EIF2AK4: variants seen among roughly 807,000 people sequenced by gnomAD.
EIF2AK4 encodes eIF-2-alpha kinase GCN2.
In EIF2AK4, 139 loss-of-function variants were observed where a neutral mutation model predicts 211.1. That is an observed-to-expected ratio of 0.66 (90% CI 0.57 to 0.76). The LOEUF (loss-of-function observed/expected upper bound fraction) is 0.76. EIF2AK4 is among the 30% of genes least tolerant of loss of function. The pLI, the probability that EIF2AK4 is intolerant of heterozygous loss-of-function variation, is 0.00. For missense variants in EIF2AK4, 1,664 were observed against 2,043.8 expected, an observed-to-expected ratio of 0.81 and a Z score of 3.58; for synonymous variants, 710 against 751.3, an observed-to-expected ratio of 0.94 and a Z score of 0.90.
chr15:40,026,147 G>C, intron 33 of EIF2AK4, 58 bp downstream of exon 33: 1 of 1,445,464 alleles, frequency 6.9e-7, no homozygotes, highest in Non-Finnish European at 9.6e-7. Context: ...TGGAAACTAC[G>C]TAAATTTATT....
chr15:40,021,070 A>G (rs2035381294), intron 31 of EIF2AK4, 43 bp downstream of exon 31: 6 of 1,598,454 alleles, frequency 3.8e-6, no homozygotes, highest in Middle Eastern at 1.7e-4. Flanking sequence ...GCAAATTGCT[A>G]TGGCTTTCAT....
At chr15:39,984,349 C>T (rs1351397119) in intron 13 of EIF2AK4, among the ~76,000 whole-genome samples, 1 of 152,004 alleles carries the variant, frequency 6.6e-6, no homozygotes, top group Non-Finnish European at 1.5e-5. Context: ...TTTTTTGGTC[C>T]CATATAAAAT....
At chr15:40,020,407 T>G (rs2035368530) in intron 30 of EIF2AK4, 1 of 150,372 alleles carries the variant, frequency 6.7e-6, no homozygotes, top group Non-Finnish European at 1.5e-5. Context: ...TATATCCCAA[T>G]AAGGCCAAGG....
chr15:39,934,754 C>G (rs1243734140), intron 1 of EIF2AK4, among the ~76,000 whole-genome samples: 1 of 152,226 alleles, frequency 6.6e-6, no homozygotes, highest in Non-Finnish European at 1.5e-5. Flanking sequence ...TCGCACAGGC[C>G]TTACGTCCTC....
chr15:39,978,953 C>A (rs1212818589), intron 13 of EIF2AK4, among the ~76,000 whole-genome samples: 1 of 152,176 alleles, frequency 6.6e-6, no homozygotes, highest in Admixed American at 6.5e-5. Flanking sequence ...CAGAAAAGAT[C>A]CAAGTTTCCA....
At position 39,953,786 on chromosome 15, in the gene EIF2AK4, C is replaced by G. The variant is rs978875781; in HGVS notation, c.514-118C>G. On this transcript the variant is annotated intron_variant, in intron 4 of 38. Coordinates refer to ENST00000263791, the MANE Select transcript of EIF2AK4 (RefSeq NM_001013703.4). ...GTACTAAGATGCTGTGTTTTCAGATCTCTTAGGAAGAGAGGGTTTGAATTA... is the reference window on the plus strand; with the variant it reads ...GTACTAAGATGCTGTGTTTTCAGATGTCTTAGGAAGAGAGGGTTTGAATTA... The G allele has an allele frequency of 9.2e-6, 9 of 975,086 alleles. No individual in the cohort carries two copies. The African/African-American group carries it at 9.8e-5, about 11-fold the overall frequency. The allele number at this position is 975,086 out of a possible 1,614,324, so 60.4% of individuals were successfully genotyped here. A position where few individuals can be genotyped will look rare whatever the true frequency, so the allele number is the denominator to read the frequency against.
chr15:40,023,408 TCTCTC>T (rs1162164095), intron 32 of EIF2AK4, among the ~76,000 whole-genome samples: 1 of 152,174 alleles, frequency 6.6e-6, no homozygotes, highest in African/African-American at 2.4e-5. Flanking sequence ...TGGAGAGTGT[TCTCTC>T]CTCTTCTGTT....
chr15:40,012,033 G>A (rs113766609), intron 27 of EIF2AK4, among the ~76,000 whole-genome samples: 50 of 152,006 alleles, frequency 3.3e-4, no homozygotes, highest in South Asian at 6.2e-4. Context: ...TTAATTTCCC[G>A]GAACCTGTCT....
At chr15:40,008,003 A>G in intron 24 of EIF2AK4, 24 bp from the exon 25 acceptor site, 1 of 1,491,136 alleles carries the variant, frequency 6.7e-7, no homozygotes, top group Non-Finnish European at 8.9e-7. Flanking sequence ...CAATGACCTT[A>G]GAAATCTGGG....
chr15:39,961,755 C>A, intron 6 of EIF2AK4, 29 bp from the exon 7 acceptor site: 1 of 1,538,482 alleles, frequency 6.5e-7, no homozygotes, highest in South Asian at 1.1e-5. Flanking sequence ...AATGATTGTT[C>A]AAATGTATTG....
chr15:40,002,893 A>G, intron 22 of EIF2AK4, 105 bp downstream of exon 22: 1 of 1,288,894 alleles, frequency 7.8e-7, no homozygotes, highest in Non-Finnish European at 1.1e-6. Flanking sequence ...TTTCAAATTC[A>G]GTTATAAATA....
intron 13 of EIF2AK4, among the ~76,000 whole-genome samples, chr15:39,979,105 C>T (rs1477350944): frequency 6.6e-6 from 1 of 152,204 alleles, no homozygotes; most frequent in East Asian, 1.9e-4. Flanking sequence ...ACACAGACAC[C>T]TTATACACTT....
At chr15:39,934,938 TAG>T (rs1247330010) in intron 1 of EIF2AK4, among the ~76,000 whole-genome samples, 1 of 152,086 alleles carries the variant, frequency 6.6e-6, no homozygotes, top group South Asian at 2.1e-4. Context: ...TTAGCTGTAG[TAG>T]AGAGAGGGTT....
At chr15:39,985,728 C>T in intron 13 of EIF2AK4, 77 bp from the exon 14 acceptor site, 1 of 1,442,868 alleles carries the variant, frequency 6.9e-7, no homozygotes, top group South Asian at 1.2e-5. Flanking sequence ...GGGGTGGGCA[C>T]AAATACTTAA....
chr15:39,976,791 T>TGACGAGGACGAC lies in EIF2AK4; in HGVS notation c.2208_2219dup (p.Asp736_Asp739dup), dbSNP rs752605300. On this transcript the variant is annotated inframe_insertion, in exon 12 of 39. Coordinates refer to ENST00000263791, the MANE Select transcript of EIF2AK4 (RefSeq NM_001013703.4). ...CCGCCACCGGCCCGGGCTCCAGCGATGACGAGGACGACGACGAGGACGAGC... is the reference window on the plus strand; with the variant it reads ...CCGCCACCGGCCCGGGCTCCAGCGATGACGAGGACGACGACGAGGACGACGACGAGGACGAGC... 1.8e-5 allele frequency: 28 copies of TGACGAGGACGAC among 1,568,242 alleles called. No individual in the cohort carries two copies. The Middle Eastern group carries it at 8.6e-4, about 48-fold the overall frequency.
In EIF2AK4 at chr15:39,967,771, G is replaced by A. The variant is rs1363422590; in HGVS notation, c.1445G>A (p.Trp482Ter). The A allele has an allele frequency of 3.7e-6, 6 of 1,614,214 alleles. No homozygotes were observed. The highest frequency in any genetic ancestry group is 5.1e-6 in the Non-Finnish European group (6 of 1,180,044). The change falls in exon 9 of 39, where the codon TGG becomes TAG. Residue 482 changes from tryptophan to a stop codon, truncating the protein, a stop_gained. Transcript: ENST00000263791. LOFTEE classifies it high-confidence loss of function. ...AAAACGGGGAAGAAAGGAGATGTTT[G>A]GCGTCTTGGCCTTCTGCTGCTGTCC... is the stretch of plus-strand genomic sequence containing the variant. ...PYKTGKKGDV[W>*]RLGLLLLSLS...
chr15:40,020,938 G>C lies in EIF2AK4; in HGVS notation c.4213G>C (p.Gly1405Arg). Residue 1405 changes from glycine to arginine, a missense_variant, in exon 31 of 39, where the codon GGC becomes CGC. Gly to Arg is a moderately radical substitution (Grantham distance 125). Around this residue, in one of 7 missense-constraint regions of EIF2AK4, gnomAD observed 622 missense variants for 796.8 expected, o/e 0.78. Transcript: ENST00000263791. ...SSCDLLVVSV[G>R]QMSMSRAINL... ...TTGTGACCTCCTGGTTGTAAGTGTT[G>C]GCCAGATGTCTATGTCCAGGGCCAT... 6.2e-7 allele frequency: 1 copy of C among 1,612,828 alleles called. No homozygotes were observed. Among genetic ancestry groups the C allele is most frequent in the Non-Finnish European group, 8.5e-7 (1 of 1,179,472 alleles).
chr15:40,001,925 T>C (rs748619342), intron 21 of EIF2AK4, among the ~76,000 whole-genome samples: 3 of 152,176 alleles, frequency 2.0e-5, no homozygotes, highest in African/African-American at 7.2e-5. Flanking sequence ...CTTTAACATT[T>C]AATTTCTTTT....
intron 8 of EIF2AK4, among the ~76,000 whole-genome samples, chr15:39,966,334 TG>T (rs1398388988): frequency 6.6e-6 from 1 of 151,722 alleles, no homozygotes; most frequent in Non-Finnish European, 1.5e-5. Flanking sequence ...GTGGGCATGG[TG>T]GCACATACTT....
Sources: gnomAD v4.1 joint callset for allele counts (sites outside exome capture counted in the v4.1 genomes callset) on GRCh38, gnomAD v4.1.1 for gene constraint, gnomAD v4.1.1 regional missense constraint, MANE v1.5 for transcripts, NCBI Gene and HGNC (gene_info 2026-07-23, HGNC 2026-07-21) for gene names.